HTATIP2: variants seen among roughly 807,000 people sequenced by gnomAD.
The protein encoded by HTATIP2 is HIV-1 Tat interactive protein 2.
In HTATIP2, 26 loss-of-function variants were observed where a neutral mutation model predicts 24.7. The observed-to-expected ratio is 1.05, with a 90% CI of 0.77 to 1.46. HTATIP2 has a LOEUF of 1.46. Among genes scored for constraint, HTATIP2 ranks in the 40% most tolerant of loss-of-function variants. The probability of loss-of-function intolerance (pLI) is 0.00; values close to 1 mark genes in which losing one functional copy is unlikely to be tolerated. For missense variants in HTATIP2, 284 were observed against 289.6 expected, an observed-to-expected ratio of 0.98 and a Z score of 0.14; for synonymous variants, 99 against 113.2, an observed-to-expected ratio of 0.87 and a Z score of 0.79.
At chr11:20,369,613 T>C (rs953845173) in intron 2 of HTATIP2, among the ~76,000 whole-genome samples, 1 of 152,218 alleles carries the variant, frequency 6.6e-6, no homozygotes, top group African/African-American at 2.4e-5. Context: ...CTCCTTGTCT[T>C]GTAGATGGCA....
chr11:20,367,481 GT>G lies in HTATIP2; in HGVS notation c.303+202del. On this transcript the variant is annotated intron_variant, in intron 2 of 4. Transcript: ENST00000451739. ...GTTCGTCTTTCAAAGTAATCCTTGA[GT>G]TCAGGCCCCAGTGCTGGAGACGTCG... The G allele has an allele frequency of 2.1e-6, 3 of 1,459,368 alleles. No homozygotes were observed. In the South Asian group the frequency reaches 4.4e-5, roughly 22 times the overall value. 90.4% of individuals were successfully genotyped at this position (1,459,368 alleles called of 1,614,324 possible).
chr11:20,374,546 A>G (rs1374306848), intron 2 of HTATIP2, among the ~76,000 whole-genome samples: 2 of 152,124 alleles, frequency 1.3e-5, no homozygotes, highest in Admixed American at 6.5e-5. Context: ...AAGGCCAGCA[A>G]TGTGGTAGCT....
In HTATIP2 at chr11:20,367,231, C is replaced by T. The variant is rs146530848; in HGVS notation, c.253C>T (p.His85Tyr). The change falls in exon 2 of 5, where the codon CAT becomes TAT. Residue 85 changes from histidine (H) to tyrosine (Y), a missense_variant. His to Tyr is a moderately conservative substitution (Grantham distance 83). Coordinates refer to ENST00000451739, the MANE Select transcript of HTATIP2 (RefSeq NM_001098522.2). ...LDDYASAFQG[H>Y]DVGFCCLGTT... ...TGACTACGCCTCTGCCTTTCAAGGT[C>T]ATGATGTTGGATTCTGTTGCCTGGG... 1.2e-6 allele frequency: 2 copies of T among 1,614,014 alleles called. No homozygotes were observed. Among genetic ancestry groups the T allele is most frequent in the Non-Finnish European group, 1.7e-6 (2 of 1,180,028 alleles).
chr11:20,383,342 A>C lies in HTATIP2; in HGVS notation c.*137A>C. The C allele has an allele frequency of 1.5e-6, 1 of 654,322 alleles. No homozygotes were observed. Among genetic ancestry groups the C allele is most frequent in the South Asian group, 1.9e-5 (1 of 52,486 alleles). 40.5% of individuals were successfully genotyped at this position (654,322 alleles called of 1,614,324 possible). A position where few individuals can be genotyped will look rare whatever the true frequency, so the allele number is the denominator to read the frequency against. On this transcript the variant is annotated 3_prime_UTR_variant, in exon 5 of 5. Coordinates refer to ENST00000451739, the MANE Select transcript of HTATIP2 (RefSeq NM_001098522.2). ...AGGCATCCATTCCAATCAAGAAATG[A>C]TGGTGCTCTGCATCAGTGGTTCAGA...
At chr11:20,370,566 T>C (rs989328863) in intron 2 of HTATIP2, among the ~76,000 whole-genome samples, 1 of 152,176 alleles carries the variant, frequency 6.6e-6, no homozygotes, top group Non-Finnish European at 1.5e-5. Context: ...CTTCTGATTC[T>C]AATGATCTGC....
rs1848552213 is a variant in HTATIP2, at chr11:20,383,438, T to G, written c.*233T>G. The G allele has an allele frequency of 2.0e-6, 1 of 495,042 alleles. No homozygotes were observed. The highest frequency in any genetic ancestry group is 3.7e-5 in the Admixed American group (1 of 26,872). The allele number at this position is 495,042 out of a possible 1,614,324, so 30.7% of individuals were successfully genotyped here. On this transcript the variant is annotated 3_prime_UTR_variant, in exon 5 of 5. Coordinates refer to ENST00000451739, the MANE Select transcript of HTATIP2 (RefSeq NM_001098522.2). ...AGATTTGTCAGCCCTATCTCAAACT[T>G]GAATCAAAATTTCTGGGGTGTGGGC...
chr11:20,375,307 C>G lies in HTATIP2; in HGVS notation c.304-1273C>G, dbSNP rs150088778. Among the ~76,000 whole-genome samples, 81 of 152,158 alleles carry G rather than the reference C, an allele frequency of 5.3e-4. 1 individual carries two copies. Among genetic ancestry groups the G allele is most frequent in the African/African-American group, 1.9e-3 (77 of 41,488 alleles). On this transcript the variant is annotated intron_variant, in intron 2 of 4. Coordinates refer to ENST00000451739, the MANE Select transcript of HTATIP2 (RefSeq NM_001098522.2). ...AAAAATCAGGCCGGGCGCGGTGGCT[C>G]ACACCTGTAATCCCAGCACTTTGGA...
At chr11:20,367,453 T>A in intron 2 of HTATIP2, 172 bp downstream of exon 2, 1 of 1,480,602 alleles carries the variant, frequency 6.8e-7, no homozygotes, top group Non-Finnish European at 9.0e-7. Flanking sequence ...ATAGTACTGA[T>A]AAGTTCGTCT....
intron 2 of HTATIP2, among the ~76,000 whole-genome samples, chr11:20,375,435 G>T (rs1279523987): frequency 6.6e-6 from 1 of 152,180 alleles, no homozygotes; most frequent in African/African-American, 2.4e-5. Flanking sequence ...GCCGGACATG[G>T]TGACATGTGT....
Position 20,382,988 on chromosome 11 carries a change from T to C in HTATIP2, c.512T>C (p.Leu171Ser). 2 of 1,611,896 alleles carry C rather than the reference T, an allele frequency of 1.2e-6. No individual in the cohort carries two copies. Among genetic ancestry groups the C allele is most frequent in the East Asian group, 4.5e-5 (2 of 44,826 alleles). Residue 171 changes from leucine to serine, a missense_variant, in exon 5 of 5, where the codon TTA becomes TCA. Leu to Ser is a moderately radical substitution (Grantham distance 145, BLOSUM62 -2). Coordinates refer to ENST00000451739, the MANE Select transcript of HTATIP2 (RefSeq NM_001098522.2). ...TTTTTTTTTTATTTTAGAGTTCTGT[T>C]ATGTGATAGGCAAGAATCTCGCCCA... ...RYSVFRPGVLLCDRQESRPGE... is the reference protein window; with the variant it reads ...RYSVFRPGVLSCDRQESRPGE...
chr11:20,376,332 G>A, intron 2 of HTATIP2: 2 of 482,738 alleles, frequency 4.1e-6, no homozygotes, highest in Non-Finnish European at 7.2e-6. Context: ...TGGTGTCTGT[G>A]TTTCAATGTC....
chr11:20,377,426 A>G (rs988819107), intron 3 of HTATIP2, among the ~76,000 whole-genome samples: 1 of 152,192 alleles, frequency 6.6e-6, no homozygotes, highest in African/African-American at 2.4e-5. Context: ...TTAAAAATTT[A>G]TGCACATTTT....
At chr11:20,367,318 C>G (rs780156324) in intron 2 of HTATIP2, 37 bp downstream of exon 2, 41 of 1,613,264 alleles carry the variant, frequency 2.5e-5, no homozygotes, top group Non-Finnish European at 2.2e-5. Flanking sequence ...TTTTTGCTGG[C>G]CAGTAATATC....
intron 3 of HTATIP2, among the ~76,000 whole-genome samples, 169 bp downstream of exon 3, chr11:20,376,886 A>G (rs1286289069): frequency 1.3e-5 from 2 of 152,192 alleles, no homozygotes; most frequent in African/African-American, 4.8e-5. Flanking sequence ...ATGATTGGAA[A>G]GGTAATTTCC....
chr11:20,383,198 A>G lies in HTATIP2; in HGVS notation c.722A>G (p.Lys241Arg). The change falls in exon 5 of 5, where the codon AAG becomes AGG. Residue 241 changes from lysine to arginine, a missense_variant. Transcript: ENST00000451739. ...HDLGKAHGSL[K>R]P The stretch of plus-strand genomic sequence containing the variant: ...CTGGGGAAAGCGCATGGCTCTCTCA[A>G]GCCATGACCACATTGGAGAAATGGT... The G allele has an allele frequency of 6.2e-7, 1 of 1,612,880 alleles. No individual in the cohort carries two copies. Among genetic ancestry groups the G allele is most frequent in the Non-Finnish European group, 8.5e-7 (1 of 1,179,168 alleles).
chr11:20,372,269 G>A (rs555818118), intron 2 of HTATIP2, among the ~76,000 whole-genome samples: 1 of 152,188 alleles, frequency 6.6e-6, no homozygotes, highest in Non-Finnish European at 1.5e-5. Context: ...TCGTTTAGAC[G>A]TGCTAACTTG....
At position 20,380,051 on chromosome 11, in the gene HTATIP2, C is replaced by T. The variant is rs144833919; in HGVS notation, c.442-2127C>T. ...TGTGCTTAATGTCTCCAGCGATGAA[C>T]GTTTTCTGCCAGAGAAACTCATCTG... On this transcript the variant is annotated intron_variant, in intron 3 of 4. Coordinates refer to ENST00000451739, the MANE Select transcript of HTATIP2 (RefSeq NM_001098522.2). Among the ~76,000 whole-genome samples, 112 of 152,334 alleles carry T rather than the reference C, an allele frequency of 7.4e-4. No individual in the cohort carries two copies. In the East Asian group the frequency reaches 9.8e-3, roughly 13 times the overall value.
chr11:20,369,880 T>C (rs7112213), intron 2 of HTATIP2, among the ~76,000 whole-genome samples: 48,842 of 152,126 alleles, frequency 0.32, 8,039 homozygotes, highest in South Asian at 0.42. Context: ...CAGGTTTCTA[T>C]TGACACTGGT....
chr11:20,376,291 TACTGTTCCC>T, intron 2 of HTATIP2: 1 of 396,858 alleles, frequency 2.5e-6, no homozygotes. Context: ...AGCCTGATCT[TACTGTTCCC>T]TTTGTTCTTT....
Sources: gnomAD v4.1 joint callset for allele counts (sites outside exome capture counted in the v4.1 genomes callset) on GRCh38, gnomAD v4.1.1 for gene constraint, MANE v1.5 for transcripts, NCBI Gene and HGNC (gene_info 2026-07-23, HGNC 2026-07-21) for gene names.